Variants in CDH12 observed in about 807,000 individuals in gnomAD.
CDH12 encodes cadherin-12.
A neutral mutation model predicts 74.1 loss-of-function variants in CDH12; 41 were observed. The ratio of observed to expected loss-of-function variants is 0.55; its 90% CI spans 0.43 to 0.72. The LOEUF is 0.72. Ranked by LOEUF, CDH12 falls within the 30% of genes least tolerant of loss-of-function variation. The probability of loss-of-function intolerance (pLI) is 0.00; values close to 1 mark genes in which losing one functional copy is unlikely to be tolerated. For missense variants in CDH12, 945 were observed against 977.2 expected (o/e 0.97, Z 0.44); for synonymous variants, 399 against 355.0 (o/e 1.12, Z -1.39).
At chr5:22,242,134 A>C (rs1312128794) in intron 3 of CDH12, among the ~76,000 whole-genome samples, 2 of 152,198 alleles carry the variant, frequency 1.3e-5, no homozygotes, top group Admixed American at 6.5e-5. Context: ...TCATACCTCC[A>C]GTCAGAAAGT....
At chr5:22,123,078 G>T (rs753015148) in intron 4 of CDH12, among the ~76,000 whole-genome samples, 3 of 152,174 alleles carry the variant, frequency 2.0e-5, no homozygotes, top group Non-Finnish European at 2.9e-5. Context: ...AAAAATGTTT[G>T]TGTCTCCCCC....
chr5:22,693,164 T>C (rs1191143683), intron 1 of CDH12, among the ~76,000 whole-genome samples: 1 of 152,212 alleles, frequency 6.6e-6, no homozygotes, highest in African/African-American at 2.4e-5. Flanking sequence ...CTTTGTTTTC[T>C]TCTCAGAATT....
At chr5:22,685,803 G>A (rs1741762024) in intron 1 of CDH12, among the ~76,000 whole-genome samples, 1 of 152,058 alleles carries the variant, frequency 6.6e-6, no homozygotes, top group African/African-American at 2.4e-5. Context: ...ATCAGTTGGT[G>A]GACATTTGGG....
Position 21,832,759 on chromosome 5 carries a change from T to C in CDH12, c.814+9402A>G, listed in dbSNP as rs1173674885. 3.8e-5 allele frequency among the ~76,000 whole-genome samples: 5 copies of C among 131,514 alleles called. No homozygotes were observed. The East Asian group carries it at 1.0e-3, about 28-fold the overall frequency. The allele number at this position is 131,514 out of a possible 152,430, so 86.3% of individuals were successfully genotyped here. On this transcript the variant is annotated intron_variant, in intron 8 of 14. Transcript: ENST00000382254. Reference sequence around the variant, plus strand: ...TATGAGACACATGATACATATCATATATATGATATATATTATATTAATATA... The same window carrying C: ...TATGAGACACATGATACATATCATACATATGATATATATTATATTAATATA...
At chr5:22,567,125 T>A (rs749907589) in intron 1 of CDH12, among the ~76,000 whole-genome samples, 5 of 152,188 alleles carry the variant, frequency 3.3e-5, no homozygotes, top group Non-Finnish European at 5.9e-5. Flanking sequence ...GTGGTAATAT[T>A]GAAGAATAGT....
intron 2 of CDH12, among the ~76,000 whole-genome samples, chr5:22,463,158 C>T (rs990086293): frequency 5.3e-5 from 8 of 152,238 alleles, no homozygotes; most frequent in Admixed American, 4.6e-4. Flanking sequence ...TTACACAAAT[C>T]TAATTAGCAA....
intron 2 of CDH12, among the ~76,000 whole-genome samples, chr5:22,470,475 G>C (rs1745913287): frequency 6.6e-6 from 1 of 151,536 alleles, no homozygotes; most frequent in African/African-American, 2.4e-5. Flanking sequence ...CTGGAAAACA[G>C]TGGCGTGATC....
At chr5:22,177,349 T>C (rs1749399032) in intron 4 of CDH12, among the ~76,000 whole-genome samples, 1 of 152,102 alleles carries the variant, frequency 6.6e-6, no homozygotes, top group Non-Finnish European at 1.5e-5. Flanking sequence ...GAAACAGGAG[T>C]AAGTTTCCTG....
At chr5:22,695,872 A>AT (rs1561583588) in intron 1 of CDH12, among the ~76,000 whole-genome samples, 1 of 151,874 alleles carries the variant, frequency 6.6e-6, no homozygotes, top group Non-Finnish European at 1.5e-5. Flanking sequence ...TTCTTTCCCT[A>AT]TTTTTTCAAG....
chr5:21,947,746 A>G (rs1352735667), intron 6 of CDH12, among the ~76,000 whole-genome samples: 1 of 152,180 alleles, frequency 6.6e-6, no homozygotes, highest in East Asian at 1.9e-4. Context: ...ACAATGGCAA[A>G]ATTTTTCTTG....
intron 1 of CDH12, among the ~76,000 whole-genome samples, chr5:22,703,180 C>G (rs545151998): frequency 4.3e-4 from 66 of 152,160 alleles, no homozygotes; most frequent in Admixed American, 1.4e-3. Context: ...AAAAAAGCAC[C>G]CCGTTCAAGT....
chr5:22,339,303 T>C (rs1047046341), intron 3 of CDH12, among the ~76,000 whole-genome samples: 2 of 152,146 alleles, frequency 1.3e-5, no homozygotes, highest in African/African-American at 4.8e-5. Flanking sequence ...GGTTGGACAG[T>C]TTTTTAGTGT....
At chr5:22,178,890 G>T (rs1220182701) in intron 4 of CDH12, among the ~76,000 whole-genome samples, 1 of 152,264 alleles carries the variant, frequency 6.6e-6, no homozygotes, top group East Asian at 1.9e-4. Flanking sequence ...GCACTAAAAT[G>T]ATTTGCATTT....
intron 3 of CDH12, among the ~76,000 whole-genome samples, chr5:22,402,057 C>A (rs1427983885): frequency 6.6e-6 from 1 of 152,164 alleles, no homozygotes; most frequent in Non-Finnish European, 1.5e-5. Flanking sequence ...TTTTAAATCA[C>A]CCAATGTGTG....
At chr5:22,023,165 C>T (rs898491620) in intron 5 of CDH12, among the ~76,000 whole-genome samples, 2 of 152,096 alleles carry the variant, frequency 1.3e-5, no homozygotes, top group African/African-American at 2.4e-5. Flanking sequence ...GCTTACCAAC[C>T]ACACTGAGTA....
At chr5:22,383,818 A>T (rs1741876370) in intron 3 of CDH12, among the ~76,000 whole-genome samples, 1 of 152,118 alleles carries the variant, frequency 6.6e-6, no homozygotes, top group South Asian at 2.1e-4. Flanking sequence ...AATCATTCAC[A>T]TTTGGAGATC....
rs187771234 is a variant in CDH12, at chr5:22,484,973, T to C, written c.-428+20297A>G. ...GTCTTTGGATACATATTTGTAAAGA[T>C]CTAAAAAATATTAGGGAAAATAGAA... On this transcript the variant is annotated intron_variant, in intron 2 of 14. Coordinates refer to ENST00000382254, the MANE Select transcript of CDH12 (RefSeq NM_004061.5). Among the ~76,000 whole-genome samples the C allele has an allele frequency of 8.6e-4, 131 of 152,270 alleles. 1 individual carries two copies. Among genetic ancestry groups the C allele is most frequent in the African/African-American group, 3.0e-3 (126 of 41,560 alleles).
chr5:22,035,386 GTA>G (rs151272918), intron 5 of CDH12, among the ~76,000 whole-genome samples: 4,539 of 149,048 alleles, frequency 0.03, 220 homozygotes, highest in African/African-American at 0.1. Flanking sequence ...TCTGGCCTGT[GTA>G]TATATATATA....
intron 6 of CDH12, among the ~76,000 whole-genome samples, chr5:21,970,838 T>TC (rs1756814200): frequency 6.1e-5 from 1 of 16,272 alleles, no homozygotes; most frequent in Non-Finnish European, 1.2e-4. Context: ...AGACTCTTTC[T>TC]CAAAAAAAAA....
Sources: gnomAD v4.1 joint callset for allele counts (sites outside exome capture counted in the v4.1 genomes callset) on GRCh38, gnomAD v4.1.1 for gene constraint, MANE v1.5 for transcripts, NCBI Gene and HGNC (gene_info 2026-07-23, HGNC 2026-07-21) for gene names.